Variants in THSD7B observed in about 807,000 individuals in gnomAD.
THSD7B encodes thrombospondin type-1 domain-containing protein 7B.
A neutral mutation model predicts 213.6 loss-of-function variants in THSD7B; 138 were observed. The observed-to-expected ratio is 0.65, with a 90% CI of 0.56 to 0.74. The LOEUF is 0.74. Among genes scored for constraint, THSD7B ranks in the 30% least tolerant of loss-of-function variants. The pLI, the probability that THSD7B is intolerant of heterozygous loss-of-function variation, is 0.00. For missense variants in THSD7B, 1,931 were observed against 1,991.5 expected (o/e 0.97, Z 0.58); for synonymous variants, 742 against 687.0 (o/e 1.08, Z -1.25).
chr2:137,148,185 CCTCTCTGCTCTGCA>C (rs1679743439), intron 5 of THSD7B, among the ~76,000 whole-genome samples: 1 of 152,066 alleles, frequency 6.6e-6, no homozygotes, highest in Non-Finnish European at 1.5e-5. Flanking sequence ...GACTTTTCCC[CCTCTCTGCTCTGCA>C]TTTCTCATTG....
At chr2:137,100,659 T>TAA (rs1309722697) in intron 4 of THSD7B, among the ~76,000 whole-genome samples, 4 of 152,210 alleles carry the variant, frequency 2.6e-5, no homozygotes, top group Non-Finnish European at 5.9e-5. Flanking sequence ...AAGGAATAAA[T>TAA]AAATGAAGGT....
intron 15 of THSD7B, among the ~76,000 whole-genome samples, chr2:137,539,314 A>G (rs1385953282): frequency 6.6e-6 from 1 of 151,604 alleles, no homozygotes; most frequent in African/African-American, 2.4e-5. Context: ...TGCAAGGACT[A>G]AGAAAGGAAA....
intron 15 of THSD7B, among the ~76,000 whole-genome samples, chr2:137,451,387 G>A (rs1435201639): frequency 6.6e-6 from 1 of 151,552 alleles, no homozygotes; most frequent in African/African-American, 2.4e-5. Flanking sequence ...ATAATGTTGG[G>A]AGAGTATCAC....
rs1685473420 is a variant in THSD7B at position 136,975,971 on chromosome 2, G to T, written c.140-80449G>T. Among the ~76,000 whole-genome samples the T allele has an allele frequency of 1.3e-5, 2 of 152,144 alleles. 1 individual carries two copies. Among genetic ancestry groups the T allele is most frequent in the South Asian group, 4.1e-4 (2 of 4,820 alleles). On this transcript the variant is annotated intron_variant, in intron 2 of 27. Coordinates refer to ENST00000409968, the MANE Select transcript of THSD7B (RefSeq NM_001316349.2). ...CAACTGTGAATGGGAGTTCATTCAT[G>T]ATTTGGCTGTTTGCTTCTCTGTTTT...
chr2:136,848,323 C>G (rs1683042472), intron 1 of THSD7B, among the ~76,000 whole-genome samples: 3 of 152,086 alleles, frequency 2.0e-5, no homozygotes, highest in Non-Finnish European at 4.4e-5. Context: ...CATTGTTGGG[C>G]TTCATTCTTG....
At chr2:137,546,472 ATATATAATATATAT>A (rs1680739288) in intron 15 of THSD7B, among the ~76,000 whole-genome samples, 4 of 62,154 alleles carry the variant, frequency 6.4e-5, no homozygotes, top group African/African-American at 3.1e-4. Flanking sequence ...TAATATATAT[ATATATAATATATAT>A]ATATATATAT....
chr2:137,164,299 T>A (rs1680077496), intron 6 of THSD7B, among the ~76,000 whole-genome samples: 1 of 152,058 alleles, frequency 6.6e-6, no homozygotes, highest in Non-Finnish European at 1.5e-5. Context: ...TCACTGGCCA[T>A]CAGAGAAATG....
intron 14 of THSD7B, among the ~76,000 whole-genome samples, chr2:137,421,224 A>T (rs1334698886): frequency 6.6e-6 from 1 of 152,086 alleles, no homozygotes; most frequent in South Asian, 2.1e-4. Context: ...TCCCCCACAC[A>T]CCCAGCAGCA....
Position 137,405,807 on chromosome 2 carries a change from G to A in THSD7B, c.2695G>A (p.Gly899Arg). 1 of 1,608,262 alleles carries A rather than the reference G, an allele frequency of 6.2e-7. No individual in the cohort carries two copies. The highest frequency in any genetic ancestry group is 8.5e-7 in the Non-Finnish European group (1 of 1,177,270). ...AAAAAGTAGGCGGCGACAGCTCACA[G>A]GTATAGTGTGCATTTTACTCTTTAG... is the stretch of plus-strand genomic sequence containing the variant. ...ATKSRRRQLT[G>R]KSRKKEKCQD... Residue 899 changes from glycine (G) to arginine (R), a missense_variant and splice_region_variant, in exon 13 of 28, where the codon GGG becomes AGG. Physicochemically the swap from Gly to Arg is moderately radical, Grantham distance 125 (BLOSUM62 -2). Coordinates refer to ENST00000409968, the MANE Select transcript of THSD7B (RefSeq NM_001316349.2).
At chr2:137,271,786 T>C (rs75217386) in intron 10 of THSD7B, among the ~76,000 whole-genome samples, 4,060 of 152,122 alleles carry the variant, frequency 0.027, 105 homozygotes, top group Middle Eastern at 0.095. Context: ...CACATAGTAA[T>C]TGAAGTAGTT....
chr2:136,975,928 A>G (rs1429293671), intron 2 of THSD7B, among the ~76,000 whole-genome samples: 1 of 151,944 alleles, frequency 6.6e-6, no homozygotes, highest in East Asian at 1.9e-4. Context: ...ATTCCTACAT[A>G]TTTTATTCTC....
chr2:137,588,746 T>C (rs1157033340), intron 17 of THSD7B, among the ~76,000 whole-genome samples: 1 of 151,114 alleles, frequency 6.6e-6, no homozygotes, highest in Non-Finnish European at 1.5e-5. Flanking sequence ...ATTGGTATGT[T>C]GACTCATGTT....
chr2:137,327,868 T>A (rs1684407040), intron 12 of THSD7B, among the ~76,000 whole-genome samples: 1 of 152,048 alleles, frequency 6.6e-6, no homozygotes, highest in Middle Eastern at 3.4e-3. Context: ...GCCTTTGGAG[T>A]TTCTAGATTA....
intron 5 of THSD7B, among the ~76,000 whole-genome samples, chr2:137,146,126 A>G (rs990591558): frequency 6.6e-6 from 1 of 152,158 alleles, no homozygotes; most frequent in Admixed American, 6.6e-5. Context: ...TCTACAGCAT[A>G]TCAGTTGTTT....
chr2:136,884,771 T>C (rs1399426567), intron 2 of THSD7B, among the ~76,000 whole-genome samples: 1 of 152,188 alleles, frequency 6.6e-6, no homozygotes, highest in African/African-American at 2.4e-5. Context: ...TAGTATTCTT[T>C]AGCATTTTTA....
intron 17 of THSD7B, among the ~76,000 whole-genome samples, chr2:137,584,693 A>G (rs990578506): frequency 5.9e-5 from 9 of 152,180 alleles, no homozygotes; most frequent in Admixed American, 4.6e-4. Context: ...AGCCCAGTTG[A>G]TCATGGTGGA....
chr2:136,779,894 A>G (rs1014016357), intron 1 of THSD7B, among the ~76,000 whole-genome samples: 8 of 152,190 alleles, frequency 5.3e-5, no homozygotes, highest in African/African-American at 1.9e-4. Context: ...CTGCTGAGAA[A>G]GGTCCTGTAT....
intron 2 of THSD7B, among the ~76,000 whole-genome samples, chr2:136,948,733 A>G (rs2105069319): frequency 6.6e-6 from 1 of 152,352 alleles, no homozygotes; most frequent in Non-Finnish European, 1.5e-5. Context: ...GCACAGTGCT[A>G]AAAGCTTTAC....
At chr2:137,248,965 C>T (rs563766987) in intron 10 of THSD7B, among the ~76,000 whole-genome samples, 3 of 152,274 alleles carry the variant, frequency 2.0e-5, no homozygotes, top group African/African-American at 7.2e-5. Flanking sequence ...GTGCAGGTAT[C>T]TTTGTCTTCA....
Sources: gnomAD v4.1 joint callset for allele counts (sites outside exome capture counted in the v4.1 genomes callset) on GRCh38, gnomAD v4.1.1 for gene constraint, MANE v1.5 for transcripts, NCBI Gene and HGNC (gene_info 2026-07-23, HGNC 2026-07-21) for gene names.